The following OPCML variants were observed in gnomAD, a reference collection of about 807,000 sequenced individuals.
The protein encoded by OPCML is opioid binding protein/cell adhesion molecule like, also known as opioid-binding protein/cell adhesion molecule.
OPCML carries 13 observed loss-of-function variants against 37.8 expected under a neutral mutation model. The observed-to-expected ratio is 0.34, with a 90% confidence interval of 0.22 to 0.55. The LOEUF (loss-of-function observed/expected upper bound fraction) is 0.55, where lower values mean the gene tolerates loss of function less well. OPCML is among the 20% of genes least tolerant of loss of function. The probability of loss-of-function intolerance (pLI) is 0.91; values close to 1 mark genes in which losing one functional copy is unlikely to be tolerated. For synonymous variants in OPCML, 176 were observed against 168.8 expected, an observed-to-expected ratio of 1.04 and a Z score of -0.33; for missense variants, 341 against 435.6, an observed-to-expected ratio of 0.78 and a Z score of 1.93.
In OPCML at chr11:133,174,144, T is replaced by C. The variant is rs978145831; in HGVS notation, c.62-231134A>G. 2.0e-5 allele frequency among the ~76,000 whole-genome samples: 3 copies of C among 152,228 alleles called. No homozygotes were observed. Among genetic ancestry groups the C allele is most frequent in the Non-Finnish European group, 4.4e-5 (3 of 68,032 alleles). On this transcript the variant is annotated intron_variant, in intron 1 of 7. Transcript: ENST00000524381. This position sits in a 1 kb window ranked among gnomAD's most constrained non-coding sequence, Gnocchi z 4.6. ...GTTGTCAGGCTGGTCCCTTGTGTCT[T>C]CCCTTCCCTCTCATTCTCCACCTTC...
rs181914488 is a variant in OPCML, at chr11:133,214,266, G to A, written c.62-271256C>T. Among the ~76,000 whole-genome samples the A allele has an allele frequency of 1.1e-4, 16 of 151,892 alleles. No individual in the cohort carries two copies. In the East Asian group the frequency reaches 2.5e-3, roughly 24 times the overall value. On this transcript the variant is annotated intron_variant, in intron 1 of 7. Coordinates refer to ENST00000524381, the MANE Select transcript of OPCML (RefSeq NM_001012393.5). ...CAGATTTATTGGCTGAATTTTTGTC[G>A]ATATCTATCTAACGTCATTTATGAT...
intron 2 of OPCML, among the ~76,000 whole-genome samples, chr11:132,788,006 G>A (rs997916132): frequency 2.0e-5 from 3 of 152,108 alleles, no homozygotes; most frequent in South Asian, 4.1e-4. Flanking sequence ...TCAGCCTCCC[G>A]AGTAGCTGGG....
intron 3 of OPCML, among the ~76,000 whole-genome samples, chr11:132,642,111 A>G (rs1232729283): frequency 6.6e-6 from 1 of 152,234 alleles, no homozygotes; most frequent in Non-Finnish European, 1.5e-5. Context: ...CCTGAAAGAC[A>G]CAGACTTGGG....
chr11:132,946,567 T>C (rs999947046), intron 1 of OPCML, among the ~76,000 whole-genome samples: 2 of 152,202 alleles, frequency 1.3e-5, no homozygotes, highest in African/African-American at 2.4e-5. Flanking sequence ...TTAGTTCCAC[T>C]GTAATCTTTT....
rs1031666263 is a variant in OPCML at position 133,177,405 on chromosome 11, T to C, written c.62-234395A>G. 3.5e-4 allele frequency among the ~76,000 whole-genome samples: 53 copies of C among 152,218 alleles called. No homozygotes were observed. Among genetic ancestry groups the C allele is most frequent in the African/African-American group, 1.3e-3 (52 of 41,456 alleles). On this transcript the variant is annotated intron_variant, in intron 1 of 7. Transcript: ENST00000524381. This position sits in a 1 kb window ranked among gnomAD's most constrained non-coding sequence, Gnocchi z 5.0. ...ATCAGTAATCTTGAACCACTAATGCTAATTTATGATTTTGGACAGGTTACT... is the reference window on the plus strand; with the variant it reads ...ATCAGTAATCTTGAACCACTAATGCCAATTTATGATTTTGGACAGGTTACT...
chr11:132,569,387 C>T (rs1012338663), intron 3 of OPCML, among the ~76,000 whole-genome samples: 22 of 152,192 alleles, frequency 1.4e-4, no homozygotes, highest in Admixed American at 6.5e-5. Flanking sequence ...CTTGTAGCCT[C>T]TAGAACTGTG....
Position 133,222,484 on chromosome 11 carries a change from G to A in OPCML, c.62-279474C>T, listed in dbSNP as rs562421850. The stretch of plus-strand genomic sequence containing the variant: ...GCTCCTCACTGACGGGCTGCAGCCT[G>A]GACTGGGGAGACCACATCCACTCTA... On this transcript the variant is annotated intron_variant, in intron 1 of 7. Transcript: ENST00000524381. Among the ~76,000 whole-genome samples the A allele has an allele frequency of 1.6e-3, 247 of 152,250 alleles. 1 individual carries two copies. Among genetic ancestry groups the A allele is most frequent in the African/African-American group, 5.7e-3 (236 of 41,540 alleles).
At chr11:132,670,974 T>G (rs1942450393) in intron 2 of OPCML, among the ~76,000 whole-genome samples, 1 of 152,224 alleles carries the variant, frequency 6.6e-6, no homozygotes, top group Non-Finnish European at 1.5e-5. Flanking sequence ...GCCTCAAGTT[T>G]AGAAAACAGA....
chr11:133,094,385 A>T, intron 1 of OPCML, among the ~76,000 whole-genome samples: 1 of 152,148 alleles, frequency 6.6e-6, no homozygotes, highest in East Asian at 1.9e-4. Flanking sequence ...AAATGTTCAG[A>T]TATTATTTTC....
At chr11:132,560,988 C>T (rs1366212976) in intron 3 of OPCML, among the ~76,000 whole-genome samples, 1 of 152,152 alleles carries the variant, frequency 6.6e-6, no homozygotes, top group Non-Finnish European at 1.5e-5. Flanking sequence ...GAAGACTTTG[C>T]ATAAGCCAGT....
intron 2 of OPCML, among the ~76,000 whole-genome samples, chr11:132,890,820 G>A (rs1943614072): frequency 7.1e-6 from 1 of 141,558 alleles, no homozygotes. Context: ...TCGAGCCACT[G>A]CACTCCAGCT....
chr11:133,044,069 A>T (rs565568126), intron 1 of OPCML, among the ~76,000 whole-genome samples: 7 of 152,156 alleles, frequency 4.6e-5, no homozygotes, highest in African/African-American at 1.7e-4. Context: ...GATCTTTGCT[A>T]TCCTATGGAG....
intron 3 of OPCML, among the ~76,000 whole-genome samples, chr11:132,601,396 G>T (rs1250652786): frequency 6.6e-6 from 1 of 152,138 alleles, no homozygotes; most frequent in Admixed American, 6.6e-5. Flanking sequence ...CTTTAGAACA[G>T]CCCAATTTTA....
At chr11:133,155,975 C>G (rs1412306386) in intron 1 of OPCML, among the ~76,000 whole-genome samples, 1 of 152,224 alleles carries the variant, frequency 6.6e-6, no homozygotes, top group South Asian at 2.1e-4. Context: ...TTTGCAAGGT[C>G]GGGATCTTAT....
intron 1 of OPCML, among the ~76,000 whole-genome samples, chr11:133,128,315 G>A (rs965578157): frequency 2.6e-5 from 4 of 152,164 alleles, no homozygotes; most frequent in East Asian, 1.9e-4. Flanking sequence ...TTGTCCTAAT[G>A]CCTGCCTTGC....
intron 4 of OPCML, among the ~76,000 whole-genome samples, chr11:132,508,012 A>T (rs552004411): frequency 1.3e-5 from 2 of 152,148 alleles, no homozygotes; most frequent in South Asian, 4.1e-4. Flanking sequence ...AAATGGGAAA[A>T]GGGGTATTCT....
chr11:132,491,922 TA>T (rs1198476092), intron 4 of OPCML, among the ~76,000 whole-genome samples: 1 of 132,908 alleles, frequency 7.5e-6, no homozygotes, highest in Non-Finnish European at 1.5e-5. Context: ...GGGACATACC[TA>T]ATTTTTTTTT....
intron 3 of OPCML, among the ~76,000 whole-genome samples, chr11:132,597,365 T>C (rs1476673172): frequency 6.6e-6 from 1 of 152,188 alleles, no homozygotes. Flanking sequence ...GAAGAGACTG[T>C]TTAACTTGTC....
intron 2 of OPCML, among the ~76,000 whole-genome samples, chr11:132,663,487 T>C (rs1360224574): frequency 6.6e-6 from 1 of 152,230 alleles, no homozygotes; most frequent in Non-Finnish European, 1.5e-5. Context: ...ATGTATAATA[T>C]AAACCTATGC....
Sources: gnomAD v4.1 joint callset for allele counts (sites outside exome capture counted in the v4.1 genomes callset) on GRCh38, gnomAD v4.1.1 for gene constraint, Gnocchi (gnomAD v3.1) non-coding constraint, MANE v1.5 for transcripts, NCBI Gene and HGNC (gene_info 2026-07-23, HGNC 2026-07-21) for gene names.